The following CPNE8 variants were observed in gnomAD, a reference collection of about 807,000 sequenced individuals.
CPNE8 encodes copine-8.
In CPNE8, 45 loss-of-function variants were observed where a neutral mutation model predicts 81.5. The ratio of observed to expected loss-of-function variants is 0.55; its 90% CI spans 0.44 to 0.71. CPNE8 has a LOEUF of 0.71. Among genes scored for constraint, CPNE8 ranks in the 30% least tolerant of loss-of-function variants. The pLI, the probability that CPNE8 is intolerant of heterozygous loss-of-function variation, is 0.00. For synonymous variants in CPNE8, 252 were observed against 226.3 expected, an observed-to-expected ratio of 1.11 and a Z score of -1.02; for missense variants, 594 against 672.1, an observed-to-expected ratio of 0.88 and a Z score of 1.28.
chr12:38,869,107 T>C (rs74086035), intron 3 of CPNE8, among the ~76,000 whole-genome samples: 6,864 of 152,208 alleles, frequency 0.045, 389 homozygotes, highest in African/African-American at 0.13. Context: ...CATCAATGGA[T>C]CCTCAGATTG....
At chr12:38,850,298 T>G (rs1438686003) in intron 3 of CPNE8, among the ~76,000 whole-genome samples, 1 of 152,074 alleles carries the variant, frequency 6.6e-6, no homozygotes, top group African/African-American at 2.4e-5. Flanking sequence ...TATTCCCAAG[T>G]ATCTGGATTT....
At chr12:38,757,226 T>A (rs1022502854) in intron 10 of CPNE8, among the ~76,000 whole-genome samples, 1 of 152,022 alleles carries the variant, frequency 6.6e-6, no homozygotes, top group Admixed American at 6.6e-5. Context: ...GGACAAATAT[T>A]AATGATGACA....
intron 6 of CPNE8, among the ~76,000 whole-genome samples, chr12:38,813,756 A>G (rs543182002): frequency 6.6e-6 from 1 of 152,322 alleles, no homozygotes; most frequent in Admixed American, 6.5e-5. Flanking sequence ...TTTCACCCAG[A>G]ATTCTGCATA....
At chr12:38,836,335 G>T (rs905926680) in intron 5 of CPNE8, among the ~76,000 whole-genome samples, 3 of 152,158 alleles carry the variant, frequency 2.0e-5, no homozygotes, top group Admixed American at 2.0e-4. Context: ...ACCACAAATA[G>T]AATCAATTAA....
intron 10 of CPNE8, 133 bp from the exon 11 acceptor site, chr12:38,730,491 C>A (rs1024448475): frequency 1.3e-5 from 6 of 472,966 alleles, no homozygotes; most frequent in Non-Finnish European, 1.5e-5. Flanking sequence ...TAATAATTTA[C>A]AAAATATTTA....
intron 10 of CPNE8, among the ~76,000 whole-genome samples, chr12:38,743,485 G>C (rs1941155608): frequency 6.6e-6 from 1 of 152,032 alleles, no homozygotes; most frequent in South Asian, 2.1e-4. Context: ...CACAAAAAAA[G>C]TATGGCTTCC....
intron 1 of CPNE8, among the ~76,000 whole-genome samples, chr12:38,887,586 A>C (rs917178294): frequency 6.6e-6 from 1 of 152,158 alleles, no homozygotes; most frequent in Non-Finnish European, 1.5e-5. Flanking sequence ...CTGTTTTCCA[A>C]ATATTTCAGT....
chr12:38,669,363 C>A (rs1939125551), intron 19 of CPNE8, among the ~76,000 whole-genome samples: 2 of 152,084 alleles, frequency 1.3e-5, no homozygotes, highest in Admixed American at 1.3e-4. Flanking sequence ...ATTACTTCCT[C>A]AAATTATTTC....
intron 6 of CPNE8, among the ~76,000 whole-genome samples, chr12:38,792,261 T>A (rs985011813): frequency 6.8e-6 from 1 of 147,396 alleles, no homozygotes; most frequent in Non-Finnish European, 1.5e-5. Flanking sequence ...AAATAGAGAA[T>A]ACAAAAACAT....
At chr12:38,835,478 C>G (rs565768684) in intron 5 of CPNE8, among the ~76,000 whole-genome samples, 12 of 152,270 alleles carry the variant, frequency 7.9e-5, no homozygotes, top group African/African-American at 2.6e-4. Flanking sequence ...CTTACCTCAC[C>G]TCTTCAATTC....
At chr12:38,756,068 A>T (rs1003601810) in intron 10 of CPNE8, among the ~76,000 whole-genome samples, 1 of 148,966 alleles carries the variant, frequency 6.7e-6, no homozygotes, top group Non-Finnish European at 1.5e-5. Flanking sequence ...ACAGGTAACT[A>T]TATTTCTTCT....
chr12:38,896,648 C>T (rs958653848), intron 1 of CPNE8, among the ~76,000 whole-genome samples: 1 of 152,106 alleles, frequency 6.6e-6, no homozygotes, highest in South Asian at 2.1e-4. Context: ...TCAAATCCCA[C>T]ATGACTGATT....
intron 6 of CPNE8, among the ~76,000 whole-genome samples, chr12:38,807,581 C>T (rs866762007): frequency 1.5e-4 from 22 of 151,146 alleles, no homozygotes; most frequent in African/African-American, 4.1e-4. Context: ...CCCTTCCTTA[C>T]ACCTTATACA....
intron 6 of CPNE8, among the ~76,000 whole-genome samples, chr12:38,796,070 G>C (rs544483861): frequency 2.6e-5 from 4 of 152,246 alleles, no homozygotes; most frequent in Admixed American, 6.5e-5. Flanking sequence ...AGACCAGCCT[G>C]GTCAACATGG....
intron 3 of CPNE8, among the ~76,000 whole-genome samples, chr12:38,861,598 A>C (rs1187214993): frequency 2.0e-5 from 3 of 152,142 alleles, no homozygotes; most frequent in Non-Finnish European, 4.4e-5. Context: ...GAATGAGTAC[A>C]TGGCTTAAAA....
chr12:38,796,697 G>C (rs1379398699), intron 6 of CPNE8, among the ~76,000 whole-genome samples: 2 of 152,110 alleles, frequency 1.3e-5, no homozygotes, highest in Admixed American at 6.5e-5. Context: ...AGTGGGCGCA[G>C]GACAGTGGGT....
intron 1 of CPNE8, among the ~76,000 whole-genome samples, chr12:38,878,892 CT>C (rs1169251678): frequency 1.3e-5 from 2 of 151,970 alleles, no homozygotes; most frequent in African/African-American, 2.4e-5. Context: ...ACAGAAATAA[CT>C]AAACAGCAAT....
At chr12:38,703,197 A>G (rs1240135262) in intron 13 of CPNE8, among the ~76,000 whole-genome samples, 1 of 152,158 alleles carries the variant, frequency 6.6e-6, no homozygotes, top group African/African-American at 2.4e-5. Flanking sequence ...TAATTAAGTG[A>G]CTCATAACAA....
At chr12:38,896,216 T>G (rs1028158845) in intron 1 of CPNE8, among the ~76,000 whole-genome samples, 4 of 152,142 alleles carry the variant, frequency 2.6e-5, no homozygotes, top group African/African-American at 9.7e-5. Flanking sequence ...TTTTGTTTCT[T>G]CAGAGTTTCA....
Sources: gnomAD v4.1 joint callset for allele counts (sites outside exome capture counted in the v4.1 genomes callset) on GRCh38, gnomAD v4.1.1 for gene constraint, MANE v1.5 for transcripts, NCBI Gene and HGNC (gene_info 2026-07-23, HGNC 2026-07-21) for gene names.